FSTL4: variants seen among roughly 807,000 people sequenced by gnomAD.
FSTL4 encodes the protein follistatin-related protein 4.
A neutral mutation model predicts 78.2 loss-of-function variants in FSTL4; 28 were observed. The ratio of observed to expected loss-of-function variants is 0.36; its 90% CI spans 0.27 to 0.49. The LOEUF is 0.49. FSTL4 is among the 20% of genes least tolerant of loss of function. The pLI, the probability that FSTL4 is intolerant of heterozygous loss-of-function variation, is 0.98. For synonymous variants in FSTL4, 422 were observed against 440.5 expected (o/e 0.96, Z 0.53); for missense variants, 922 against 1,084.9 (o/e 0.85, Z 2.11).
At chr5:133,808,355 C>T in the FSTL4 span, among the ~76,000 whole-genome samples, 7 of 152,150 alleles carry the variant, frequency 4.6e-5, no homozygotes, top group South Asian at 2.1e-4. Context: ...CTCAAAGGAG[C>T]GAAGCCATGT....
At chr5:133,235,094 A>G (rs1008268501) in intron 7 of FSTL4, among the ~76,000 whole-genome samples, 1 of 152,056 alleles carries the variant, frequency 6.6e-6, no homozygotes. Flanking sequence ...TCCTCCGCTG[A>G]TACTCATGTG....
intron 6 of FSTL4, among the ~76,000 whole-genome samples, chr5:133,279,732 G>C (rs1343344009): frequency 6.6e-6 from 1 of 152,234 alleles, no homozygotes. Context: ...GGTGGGTTGA[G>C]TAGTGTCCCC....
chr5:133,593,533 C>T lies in FSTL4; in HGVS notation c.126+10325G>A, dbSNP rs1283146860. On this transcript the variant is annotated intron_variant, in intron 2 of 15. Transcript: ENST00000265342. Reference sequence around the variant, plus strand: ...TTCCGGCTTCCTCCAGCCCCCAACCCGCACTCTTAAGGACTTTAGAACAGC... The same window carrying T: ...TTCCGGCTTCCTCCAGCCCCCAACCTGCACTCTTAAGGACTTTAGAACAGC... Among the ~76,000 whole-genome samples the T allele has an allele frequency of 3.3e-5, 5 of 152,142 alleles. No individual in the cohort carries two copies. In the East Asian group the frequency reaches 5.9e-4, roughly 18 times the overall value.
chr5:133,341,116 T>C (rs1754571320), intron 4 of FSTL4, among the ~76,000 whole-genome samples: 1 of 152,118 alleles, frequency 6.6e-6, no homozygotes. Context: ...AAAGACAGTG[T>C]TCCTTAGACG....
intron 3 of FSTL4, among the ~76,000 whole-genome samples, chr5:133,544,676 G>T (rs1012746504): frequency 6.6e-6 from 1 of 152,208 alleles, no homozygotes; most frequent in African/African-American, 2.4e-5. Flanking sequence ...AGAAGAAAAA[G>T]ATGTCAAAGT....
intron 4 of FSTL4, among the ~76,000 whole-genome samples, chr5:133,374,030 G>A (rs554552311): frequency 2.0e-5 from 3 of 152,234 alleles, no homozygotes; most frequent in African/African-American, 7.2e-5. Flanking sequence ...CTGAAATGAA[G>A]TCCCTTGGGC....
the FSTL4 span, among the ~76,000 whole-genome samples, chr5:133,769,586 C>G: frequency 6.6e-6 from 1 of 152,180 alleles, no homozygotes; most frequent in African/African-American, 2.4e-5. Flanking sequence ...GCCCCTAGCT[C>G]TGCCCAACAC....
At chr5:133,439,094 C>T (rs115251974) in intron 3 of FSTL4, among the ~76,000 whole-genome samples, 290 of 152,226 alleles carry the variant, frequency 1.9e-3, no homozygotes, top group African/African-American at 6.6e-3. Flanking sequence ...AAGTGTGTTC[C>T]CTAATAGCTT....
chr5:133,657,766 G>GTTT, the FSTL4 span, among the ~76,000 whole-genome samples: 24 of 85,936 alleles, frequency 2.8e-4, no homozygotes, highest in Admixed American at 8.6e-4. Flanking sequence ...ACTGTTTTTT[G>GTTT]TTTTTTTTGT....
intron 2 of FSTL4, 66 bp from the exon 3 acceptor site, chr5:133,567,285 TCTC>T (rs1428082741): frequency 4.5e-6 from 5 of 1,122,376 alleles, no homozygotes; most frequent in Admixed American, 3.4e-5. Context: ...CTTGCAAATA[TCTC>T]CTCTCTTGTT....
chr5:133,197,421 T>A lies in FSTL4; in HGVS notation c.*1674A>T, dbSNP rs1392220879. ...TTAAAATAAAAAACAGACGTACCTG[T>A]CTAGGCGCACCCCTAGGAGTTACAG... On this transcript the variant is annotated 3_prime_UTR_variant, in exon 16 of 16. Transcript: ENST00000265342. The A allele has an allele frequency of 6.6e-6, 1 of 152,156 alleles. No homozygotes were observed. The highest frequency in any genetic ancestry group is 1.5e-5 in the Non-Finnish European group (1 of 68,040). 9.4% of individuals were successfully genotyped at this position (152,156 alleles called of 1,614,324 possible).
chr5:133,351,968 CTTT>C (rs11418609), intron 4 of FSTL4, among the ~76,000 whole-genome samples: 1 of 151,278 alleles, frequency 6.6e-6, no homozygotes, highest in Non-Finnish European at 1.5e-5. Flanking sequence ...TAGTATGGCT[CTTT>C]TTTTTATTTT....
At chr5:133,472,132 C>T (rs1757837876) in intron 3 of FSTL4, among the ~76,000 whole-genome samples, 1 of 152,116 alleles carries the variant, frequency 6.6e-6, no homozygotes, top group African/African-American at 2.4e-5. Flanking sequence ...TGTGAGTATA[C>T]AATAAACTGT....
At chr5:133,635,938 G>T in the FSTL4 span, among the ~76,000 whole-genome samples, 1 of 152,198 alleles carries the variant, frequency 6.6e-6, no homozygotes. Context: ...ATGACCATGA[G>T]TATGAGAAGG....
chr5:133,377,361 C>T (rs1187971005), intron 4 of FSTL4, among the ~76,000 whole-genome samples: 1 of 152,164 alleles, frequency 6.6e-6, no homozygotes, highest in African/African-American at 2.4e-5. Context: ...GGGTGTCATT[C>T]TAAGAGAACT....
chr5:133,742,458 A>G, the FSTL4 span, among the ~76,000 whole-genome samples: 1 of 152,272 alleles, frequency 6.6e-6, no homozygotes, highest in African/African-American at 2.4e-5. Flanking sequence ...AGCTATTTTC[A>G]AGATTGGTGA....
rs1262048334 is a variant in FSTL4, at chr5:133,217,386, G to C, written c.1459-8C>G. 27 of 1,613,786 alleles carry C rather than the reference G, an allele frequency of 1.7e-5. No individual in the cohort carries two copies. The highest frequency in any genetic ancestry group is 2.2e-5 in the Non-Finnish European group (26 of 1,179,756). On this transcript the variant is annotated splice_region_variant and splice_polypyrimidine_tract_variant and intron_variant, in intron 12 of 15. Coordinates refer to ENST00000265342, the MANE Select transcript of FSTL4 (RefSeq NM_015082.2). Reference sequence around the variant, plus strand: ...TTGAGGACAGATTTCTTCCTGCAAAGGAGATAGGCTGTCATATATCTTCTT... The same window carrying C: ...TTGAGGACAGATTTCTTCCTGCAAACGAGATAGGCTGTCATATATCTTCTT...
the FSTL4 span, among the ~76,000 whole-genome samples, chr5:133,789,952 C>T: frequency 2.7e-4 from 41 of 152,278 alleles, 1 homozygote; most frequent in East Asian, 3.9e-3. Context: ...TTTGGGGAGA[C>T]ATAAATATTT....
the FSTL4 span, among the ~76,000 whole-genome samples, chr5:133,680,716 G>T: frequency 1.3e-5 from 2 of 152,174 alleles, no homozygotes; most frequent in African/African-American, 4.8e-5. Context: ...CCACCTTTTG[G>T]CAGAGGGGAG....
Sources: gnomAD v4.1 joint callset for allele counts (sites outside exome capture counted in the v4.1 genomes callset) on GRCh38, gnomAD v4.1.1 for gene constraint, MANE v1.5 for transcripts, NCBI Gene and HGNC (gene_info 2026-07-23, HGNC 2026-07-21) for gene names.